Variants in RBM33 observed in about 807,000 individuals in gnomAD.
RBM33 encodes the protein RNA-binding protein 33.
Under a neutral mutation model 132.6 loss-of-function variants are expected in RBM33, and 28 were observed. The observed-to-expected ratio is 0.21, with a 90% confidence interval of 0.16 to 0.29. The LOEUF (loss-of-function observed/expected upper bound fraction) is 0.29. RBM33 is among the 10% of genes least tolerant of loss of function. RBM33 has a pLI of 1.00. For missense variants in RBM33, 1,291 were observed against 1,518.5 expected, an observed-to-expected ratio of 0.85 and a Z score of 2.49; for synonymous variants, 634 against 593.0, an observed-to-expected ratio of 1.07 and a Z score of -1.01.
intron 4 of RBM33, 41 bp downstream of exon 4, chr7:155,678,725 T>C: frequency 1.0e-6 from 1 of 973,054 alleles, no homozygotes; most frequent in Non-Finnish European, 1.6e-6. Context: ...TTTATTTAAC[T>C]AAATTGATAG....
rs548168237 is a variant in RBM33, at chr7:155,730,591, G to T, written c.1261-6939G>T. On this transcript the variant is annotated intron_variant, in intron 9 of 17. Transcript: ENST00000401878. ...TCAAGGCTGTAGCTGGTAAGTGGCT[G>T]GGATGGAGACAGGGCTGGGAGAGCT... 5.3e-4 allele frequency among the ~76,000 whole-genome samples: 81 copies of T among 152,324 alleles called. 1 individual carries two copies. The highest frequency in any genetic ancestry group is 1.9e-3 in the African/African-American group (77 of 41,578).
Position 155,774,960 on chromosome 7 carries a change from G to A in RBM33, c.3465-33G>A, listed in dbSNP as rs1802555123. 1 of 1,607,358 alleles carries A rather than the reference G, an allele frequency of 6.2e-7. No homozygotes were observed. The highest frequency in any genetic ancestry group is 1.7e-5 in the Admixed American group (1 of 60,018). On this transcript the variant is annotated intron_variant, in intron 17 of 17. Transcript: ENST00000401878. This position sits in a 1 kb window ranked among gnomAD's most constrained non-coding sequence, Gnocchi z 4.2. The stretch of plus-strand genomic sequence containing the variant: ...GGTAGGTTGATTGCCGATGTGCAGG[G>A]TTAGTGTCGATCGTTTCTTTAAATT...
intron 8 of RBM33, among the ~76,000 whole-genome samples, chr7:155,717,247 C>T (rs1011828409): frequency 3.3e-5 from 5 of 152,118 alleles, no homozygotes; most frequent in African/African-American, 1.2e-4. Flanking sequence ...CTCGCAGTTC[C>T]GGAGGCTGGA....
chr7:155,673,798 A>ACCCCCCCC (rs1554469982), intron 3 of RBM33, among the ~76,000 whole-genome samples: 1 of 144,002 alleles, frequency 6.9e-6, no homozygotes, highest in African/African-American at 2.8e-5. Context: ...ACACACACAC[A>ACCCCCCCC]CACCCCTACC....
intron 1 of RBM33, 132 bp downstream of exon 1, chr7:155,645,051 C>A: frequency 1.7e-6 from 1 of 604,416 alleles, no homozygotes; most frequent in Non-Finnish European, 2.7e-6. Context: ...TCGGCCTATT[C>A]CGTTTTCTCC....
At chr7:155,717,046 T>C (rs796218737) in intron 8 of RBM33, among the ~76,000 whole-genome samples, 5 of 152,292 alleles carry the variant, frequency 3.3e-5, no homozygotes, top group African/African-American at 1.2e-4. Flanking sequence ...AAAAAGTTTA[T>C]CATAGCACCC....
At position 155,711,398 on chromosome 7, in the gene RBM33, C is replaced by A. The variant is rs1445255160; in HGVS notation, c.1144C>A (p.Pro382Thr). 3 of 1,559,990 alleles carry A rather than the reference C, an allele frequency of 1.9e-6. No homozygotes were observed. The African/African-American group carries it at 4.2e-5, about 22-fold the overall frequency. Residue 382 changes from proline (P) to threonine (T), a missense_variant, in exon 8 of 18, where the codon CCC becomes ACC. This residue lies in a region of RBM33 where 10 missense variants were observed against 32.3 expected (regional missense o/e 0.31). Coordinates refer to ENST00000401878, the MANE Select transcript of RBM33 (RefSeq NM_053043.3). ...CCCGCCACCCGTGACTCCACAGCAG[C>A]CCAAGAACATACACATCAACCCGCA... ...MTPPPVTPQQPKNIHINPHFK... is the reference protein window; with the variant it reads ...MTPPPVTPQQTKNIHINPHFK...
chr7:155,665,238 A>T lies in RBM33; in HGVS notation c.107A>T (p.Asp36Val). Residue 36 changes from aspartate to valine, a missense_variant, in exon 2 of 18, where the codon GAT becomes GTT. This residue lies in a region of RBM33 where 194 missense variants were observed against 249.8 expected (regional missense o/e 0.78). Coordinates refer to ENST00000401878, the MANE Select transcript of RBM33 (RefSeq NM_053043.3). Reference sequence around the variant, plus strand: ...CGGTCGTGGAGAAGAAGAGCTGCTGATGAGGACTGGGACAGGTACGTGCAC... The same window carrying T: ...CGGTCGTGGAGAAGAAGAGCTGCTGTTGAGGACTGGGACAGGTACGTGCAC... ...AERSWRRRAA[D>V]EDWDSELEDD... The T allele has an allele frequency of 6.2e-7, 1 of 1,613,872 alleles. No homozygotes were observed. The highest frequency in any genetic ancestry group is 8.5e-7 in the Non-Finnish European group (1 of 1,179,782).
intron 9 of RBM33, among the ~76,000 whole-genome samples, chr7:155,724,915 A>T (rs1800737092): frequency 6.6e-6 from 1 of 151,684 alleles, no homozygotes; most frequent in Non-Finnish European, 1.5e-5. Flanking sequence ...GTATCCATTC[A>T]CCTGATAGGC....
chr7:155,707,353 G>A (rs1286034283), intron 7 of RBM33: 1 of 560,494 alleles, frequency 1.8e-6, no homozygotes, highest in African/African-American at 1.9e-5. Flanking sequence ...TAAGCTGTTG[G>A]ACCTTGCTAC....
intron 14 of RBM33, among the ~76,000 whole-genome samples, chr7:155,762,867 CT>C (rs1035326543): frequency 6.6e-6 from 1 of 152,206 alleles, no homozygotes; most frequent in Non-Finnish European, 1.5e-5. Flanking sequence ...CTCCGTCTTC[CT>C]TTTCAAGTCC....
At chr7:155,764,043 G>A in intron 15 of RBM33, 25 bp downstream of exon 15, 5 of 1,487,570 alleles carry the variant, frequency 3.4e-6, no homozygotes, top group Non-Finnish European at 4.5e-6. Flanking sequence ...CTCGCACGCA[G>A]CCCTGGAAAC....
intron 16 of RBM33, among the ~76,000 whole-genome samples, chr7:155,768,651 C>G (rs1273130123): frequency 6.6e-6 from 1 of 152,246 alleles, no homozygotes; most frequent in African/African-American, 2.4e-5. Context: ...GAGTCTCGCT[C>G]TGTCGCCCAG....
intron 16 of RBM33, among the ~76,000 whole-genome samples, chr7:155,772,835 G>A (rs1194097538): frequency 6.6e-6 from 1 of 152,166 alleles, no homozygotes; most frequent in African/African-American, 2.4e-5. Flanking sequence ...TTGGAGACTT[G>A]AACCTTTGTA....
In RBM33 at chr7:155,738,105, G is replaced by A. The variant is rs371612943; in HGVS notation, c.1439G>A (p.Arg480Gln). 3.0e-5 allele frequency: 49 copies of A among 1,613,512 alleles called. No homozygotes were observed. The highest frequency in any genetic ancestry group is 1.6e-4 in the Middle Eastern group (1 of 6,082). The change falls in exon 11 of 18, where the codon CGA becomes CAA. Residue 480 changes from arginine (R) to glutamine (Q), a missense_variant. Physicochemically the swap from Arg to Gln is conservative, Grantham distance 43. This residue lies in a region of RBM33 where 841 missense variants were observed against 912.0 expected (regional missense o/e 0.92). Coordinates refer to ENST00000401878, the MANE Select transcript of RBM33 (RefSeq NM_053043.3). ...RFPSHLFLEQRSPPPPPPPPT... is the reference protein window; with the variant it reads ...RFPSHLFLEQQSPPPPPPPPT... ...CCGAGCCATCTTTTTCTGGAACAGC[G>A]AAGTCCCCCTCCACCACCACCGCCT...
chr7:155,671,127 A>G (rs779621117), intron 2 of RBM33, among the ~76,000 whole-genome samples: 2 of 152,184 alleles, frequency 1.3e-5, no homozygotes, highest in African/African-American at 4.8e-5. Flanking sequence ...TCTGGAATCA[A>G]ATTTTCAAAT....
intron 5 of RBM33, among the ~76,000 whole-genome samples, chr7:155,692,067 A>C (rs1349596184): frequency 2.6e-5 from 4 of 151,382 alleles, no homozygotes; most frequent in Admixed American, 2.6e-4. Context: ...AAAAAAAAGA[A>C]AATTTTTTTT....
At chr7:155,681,028 ACT>A (rs1729984942) in intron 5 of RBM33, 120 bp downstream of exon 5, 1 of 740,768 alleles carries the variant, frequency 1.3e-6, no homozygotes, top group African/African-American at 1.8e-5. Flanking sequence ...CCTTATTATC[ACT>A]CTCTGCCAGT....
At chr7:155,730,985 G>T (rs73734715) in intron 9 of RBM33, among the ~76,000 whole-genome samples, 5,484 of 147,348 alleles carry the variant, frequency 0.037, 330 homozygotes, top group African/African-American at 0.14. Context: ...AACTAAGTTT[G>T]TGGACTAAAG....
Sources: allele counts gnomAD v4.1 joint callset (sites outside exome capture counted in the v4.1 genomes callset), GRCh38; gene constraint gnomAD v4.1.1; regional missense constraint gnomAD v4.1.1; non-coding constraint Gnocchi (gnomAD v3.1); transcripts MANE v1.5; gene names NCBI Gene and HGNC (gene_info 2026-07-23, HGNC 2026-07-21).